The following SDC2 variants were observed in gnomAD, a reference collection of about 807,000 sequenced individuals.
SDC2 encodes syndecan 2, also known as syndecan-2.
Under a neutral mutation model 22.2 loss-of-function variants are expected in SDC2, and 13 were observed. That is an observed-to-expected ratio of 0.59 (90% CI 0.38 to 0.93). SDC2 has a LOEUF of 0.93. Among genes scored for constraint, SDC2 ranks in the 40% least tolerant of loss-of-function variants. The pLI, the probability that SDC2 is intolerant of heterozygous loss-of-function variation, is 0.00. For synonymous variants in SDC2, 94 were observed against 92.8 expected, an observed-to-expected ratio of 1.01 and a Z score of -0.07; for missense variants, 235 against 246.8, an observed-to-expected ratio of 0.95 and a Z score of 0.32.
At chr8:96,531,885 C>A (rs895717518) in intron 1 of SDC2, among the ~76,000 whole-genome samples, 7 of 152,206 alleles carry the variant, frequency 4.6e-5, no homozygotes, top group Non-Finnish European at 1.5e-5. Flanking sequence ...ATCTTCAGTT[C>A]TTTGTCTGAA....
At position 96,609,631 on chromosome 8, in the gene SDC2, T is replaced by A. The variant is rs907995040; in HGVS notation, c.*83T>A. On this transcript the variant is annotated 3_prime_UTR_variant, in exon 5 of 5. Transcript: ENST00000302190. Reference sequence around the variant, plus strand: ...TGCATAGAATAATGAAGATCTTTGTTTTTTGTTTTCATTAAAGAGCCATTC... The same window carrying A: ...TGCATAGAATAATGAAGATCTTTGTATTTTGTTTTCATTAAAGAGCCATTC... 10 of 1,036,496 alleles carry A rather than the reference T, an allele frequency of 9.6e-6. No individual in the cohort carries two copies. The highest frequency in any genetic ancestry group is 1.3e-5 in the Non-Finnish European group (10 of 759,788). The allele number at this position is 1,036,496 out of a possible 1,614,324, so 64.2% of individuals were successfully genotyped here.
At chr8:96,517,698 T>A (rs541683100) in intron 1 of SDC2, among the ~76,000 whole-genome samples, 40 of 150,050 alleles carry the variant, frequency 2.7e-4, no homozygotes, top group Non-Finnish European at 5.5e-4. Context: ...GTATGATTTA[T>A]ATGAAGTACT....
chr8:96,528,027 A>G (rs2130476018), intron 1 of SDC2, among the ~76,000 whole-genome samples: 1 of 152,004 alleles, frequency 6.6e-6, no homozygotes, highest in African/African-American at 2.4e-5. Flanking sequence ...AAATAATCCA[A>G]CAAAATAGCA....
chr8:96,530,708 C>T (rs1160057458), intron 1 of SDC2, among the ~76,000 whole-genome samples: 2 of 152,188 alleles, frequency 1.3e-5, no homozygotes, highest in African/African-American at 4.8e-5. Context: ...TAGGACCTTA[C>T]AGTGTACCTT....
At chr8:96,512,297 G>A (rs550239618) in intron 1 of SDC2, among the ~76,000 whole-genome samples, 6 of 152,288 alleles carry the variant, frequency 3.9e-5, no homozygotes, top group Admixed American at 2.0e-4. Flanking sequence ...AACCAGGAGC[G>A]ACTTCTCCTC....
rs1815167157 is a variant in SDC2, at chr8:96,611,062, GT to G, written c.*1515del. ...TTACCTTTGGAATTGTGCTCCAAAT[GT>G]CTACTGAAGCTTAACCGAAGAACTA... On this transcript the variant is annotated 3_prime_UTR_variant, in exon 5 of 5. Coordinates refer to ENST00000302190, the MANE Select transcript of SDC2 (RefSeq NM_002998.4). 1 of 152,638 alleles carries G rather than the reference GT, an allele frequency of 6.6e-6. No individual in the cohort carries two copies. Among genetic ancestry groups the G allele is most frequent in the Non-Finnish European group, 1.5e-5 (1 of 68,058 alleles). 9.5% of individuals were successfully genotyped at this position (152,638 alleles called of 1,614,324 possible). A position where few individuals can be genotyped will look rare whatever the true frequency, so the allele number is the denominator to read the frequency against.
At chr8:96,567,796 G>T (rs966064712) in intron 1 of SDC2, among the ~76,000 whole-genome samples, 1 of 152,154 alleles carries the variant, frequency 6.6e-6, no homozygotes, top group Non-Finnish European at 1.5e-5. Flanking sequence ...TTCACCCATA[G>T]TCTGAGAGGT....
intron 1 of SDC2, among the ~76,000 whole-genome samples, chr8:96,519,462 G>C (rs1019999077): frequency 2.6e-5 from 4 of 152,156 alleles, no homozygotes; most frequent in African/African-American, 9.7e-5. Context: ...TTCTTGAAGA[G>C]TGATCTGGTT....
rs1267980115 is a variant in SDC2 at position 96,494,395 on chromosome 8, G to A, written c.60+64G>A. The A allele has an allele frequency of 3.4e-6, 5 of 1,486,324 alleles. No individual in the cohort carries two copies. In the Admixed American group the frequency reaches 8.2e-5, roughly 24 times the overall value. The allele number at this position is 1,486,324 out of a possible 1,614,324, so 92.1% of individuals were successfully genotyped here. On this transcript the variant is annotated intron_variant, in intron 1 of 4. Transcript: ENST00000302190. ...GTGTTTGAAGCTACGAGAGGAGCCC[G>A]CAGGGAATAGGGGAGCGCCACCTGG...
chr8:96,552,820 C>T (rs1814048588), intron 1 of SDC2, among the ~76,000 whole-genome samples: 1 of 152,054 alleles, frequency 6.6e-6, no homozygotes, highest in South Asian at 2.1e-4. Flanking sequence ...TATCTACTTC[C>T]CCTCCCCCAG....
chr8:96,553,617 G>A (rs950304871), intron 1 of SDC2, among the ~76,000 whole-genome samples: 1 of 151,878 alleles, frequency 6.6e-6, no homozygotes, highest in Admixed American at 6.6e-5. Context: ...TTGGCAACAA[G>A]AACCGCACAC....
At chr8:96,601,592 G>C (rs1257766399) in intron 2 of SDC2, among the ~76,000 whole-genome samples, 3 of 133,512 alleles carry the variant, frequency 2.2e-5, no homozygotes, top group African/African-American at 5.6e-5. Context: ...AGTGAGCCCA[G>C]ATTGTGCCAT....
intron 1 of SDC2, among the ~76,000 whole-genome samples, chr8:96,570,220 C>T (rs528208938): frequency 4.6e-5 from 7 of 152,234 alleles, no homozygotes; most frequent in East Asian, 3.9e-4. Flanking sequence ...AGGGTTTCAG[C>T]GACTATCCCA....
chr8:96,512,787 T>TA (rs1423138303), intron 1 of SDC2, among the ~76,000 whole-genome samples: 31 of 152,112 alleles, frequency 2.0e-4, no homozygotes, highest in African/African-American at 5.5e-4. Flanking sequence ...TCTGATCTCT[T>TA]ATTTTAGTGG....
chr8:96,579,600 A>G lies in SDC2; in HGVS notation c.61-13880A>G, dbSNP rs1273690830. 2.0e-5 allele frequency among the ~76,000 whole-genome samples: 3 copies of G among 152,360 alleles called. 1 individual carries two copies. The highest frequency in any genetic ancestry group is 7.2e-5 in the African/African-American group (3 of 41,590). On this transcript the variant is annotated intron_variant, in intron 1 of 4. Transcript: ENST00000302190. ...AGAATAGGCACAGAGAAAATAGTAT[A>G]TTATCTTGCAAATTAAAAATTGGAA...
At chr8:96,585,817 C>G (rs1257893212) in intron 1 of SDC2, among the ~76,000 whole-genome samples, 1 of 150,838 alleles carries the variant, frequency 6.6e-6, no homozygotes, top group Non-Finnish European at 1.5e-5. Flanking sequence ...ATCATGACTA[C>G]AAGTTTAGAT....
intron 1 of SDC2, among the ~76,000 whole-genome samples, chr8:96,498,835 C>T (rs1236072040): frequency 6.6e-6 from 1 of 152,204 alleles, no homozygotes; most frequent in Non-Finnish European, 1.5e-5. Flanking sequence ...CAGAAAATTT[C>T]AAATGAAGAG....
chr8:96,500,708 T>C (rs1171039466), intron 1 of SDC2, among the ~76,000 whole-genome samples: 1 of 152,090 alleles, frequency 6.6e-6, no homozygotes, highest in African/African-American at 2.4e-5. Flanking sequence ...AATTTCTTCT[T>C]TTAGCCATTG....
At chr8:96,592,772 GGTT>G (rs1245772818) in intron 1 of SDC2, among the ~76,000 whole-genome samples, 2 of 152,228 alleles carry the variant, frequency 1.3e-5, no homozygotes, top group African/African-American at 4.8e-5. Context: ...TGCTCGTGTG[GGTT>G]TATCTGTATT....
Sources: gnomAD v4.1 joint callset for allele counts (sites outside exome capture counted in the v4.1 genomes callset) on GRCh38, gnomAD v4.1.1 for gene constraint, MANE v1.5 for transcripts, NCBI Gene and HGNC (gene_info 2026-07-23, HGNC 2026-07-21) for gene names.